Variants in USP49 observed in about 807,000 individuals in gnomAD.
USP49 encodes ubiquitin carboxyl-terminal hydrolase 49.
In USP49, 24 loss-of-function variants were observed where a neutral mutation model predicts 58.6. That is an observed-to-expected ratio of 0.41 (90% CI 0.30 to 0.58). The LOEUF (loss-of-function observed/expected upper bound fraction) is 0.58. Among genes scored for constraint, USP49 ranks in the 20% least tolerant of loss-of-function variants. The probability of loss-of-function intolerance (pLI) is 0.30; values close to 1 mark genes in which losing one functional copy is unlikely to be tolerated. For synonymous variants in USP49, 408 were observed against 365.1 expected (o/e 1.12, Z -1.34); for missense variants, 703 against 866.1 (o/e 0.81, Z 2.36).
chr6:41,842,797 GT>G (rs967921002), intron 3 of USP49, among the ~76,000 whole-genome samples: 12 of 151,232 alleles, frequency 7.9e-5, no homozygotes, highest in Admixed American at 6.6e-5. Flanking sequence ...TAGTTTTTGT[GT>G]TTTTTCTTAA....
chr6:41,844,018 TG>T (rs1773875847), intron 3 of USP49, among the ~76,000 whole-genome samples: 1 of 152,212 alleles, frequency 6.6e-6, no homozygotes, highest in East Asian at 1.9e-4. Flanking sequence ...CCCTCCAGCC[TG>T]GGCAACAAGA....
intron 2 of USP49, among the ~76,000 whole-genome samples, chr6:41,878,106 G>A (rs1323409704): frequency 6.6e-6 from 1 of 152,114 alleles, no homozygotes; most frequent in African/African-American, 2.4e-5. Context: ...GATCAAATAA[G>A]AAAATGTGTG....
At position 41,806,018 on chromosome 6, in the gene USP49, G is replaced by A. The variant is rs377458394; in HGVS notation, c.966C>T (p.Ala322=). ...ATELSLRNDR[A]EACEREGFCW... ...AGAAGCCCTCCCGCTCGCATGCCTC[G>A]GCCCTGTCATTTCTCAAGGACAGCT... Residue 322 remains alanine, a synonymous_variant, in exon 4 of 8, where the codon GCC becomes GCT. Coordinates refer to ENST00000682992, the MANE Select transcript of USP49 (RefSeq NM_001286554.2). This position sits in a 1 kb window ranked among gnomAD's most constrained non-coding sequence, Gnocchi z 5.9. 12 of 1,613,972 alleles carry A rather than the reference G, an allele frequency of 7.4e-6. No individual in the cohort carries two copies. The highest frequency in any genetic ancestry group is 8.5e-6 in the Non-Finnish European group (10 of 1,180,036).
At position 41,874,676 on chromosome 6, in the gene USP49, T is replaced by C. The variant is rs1055986637; in HGVS notation, c.-102-3039A>G. Among the ~76,000 whole-genome samples the C allele has an allele frequency of 1.2e-4, 18 of 152,296 alleles. No individual in the cohort carries two copies. The South Asian group carries it at 2.9e-3, about 25-fold the overall frequency. ...CCCAGGTTTCTGCTCTTCGGAAATA[T>C]ACCAGGCTGGGAGCAGTAGCTTACG... On this transcript the variant is annotated intron_variant, in intron 2 of 7. Transcript: ENST00000682992.
intron 3 of USP49, among the ~76,000 whole-genome samples, chr6:41,808,741 T>C (rs1032083994): frequency 1.3e-5 from 2 of 151,886 alleles, no homozygotes; most frequent in East Asian, 1.9e-4. Flanking sequence ...AAAACTTTTA[T>C]ATCTTTGGAA....
At chr6:41,825,761 T>C (rs2127337971) in intron 3 of USP49, among the ~76,000 whole-genome samples, 1 of 152,304 alleles carries the variant, frequency 6.6e-6, no homozygotes, top group Admixed American at 6.5e-5. Context: ...ATTTTTGTCT[T>C]TTTTCCCTCA....
chr6:41,830,505 A>T (rs1773615066), intron 3 of USP49, among the ~76,000 whole-genome samples: 1 of 152,190 alleles, frequency 6.6e-6, no homozygotes, highest in Non-Finnish European at 1.5e-5. Context: ...TGATGGAGCA[A>T]ACAAAACAGA....
At chr6:41,883,467 G>T (rs1774650727) in intron 2 of USP49, among the ~76,000 whole-genome samples, 1 of 149,192 alleles carries the variant, frequency 6.7e-6, no homozygotes, top group African/African-American at 2.5e-5. Flanking sequence ...AACCAGCCTG[G>T]CCAACATGGT....
chr6:41,805,821 A>C lies in USP49; in HGVS notation c.1163T>G (p.Leu388Arg). Reference protein sequence around the residue: ...PFAMLHSVWSLIPAFRGYDQQ... With the variant: ...PFAMLHSVWSRIPAFRGYDQQ... ...GTCGTAGCCGCGGAAGGCAGGGATC[A>C]GGCTCCACACTGAGTGGAGCATGGC... The change falls in exon 4 of 8, where the codon CTG becomes CGG. Residue 388 changes from leucine to arginine, a missense_variant. Transcript: ENST00000682992. 1.2e-6 allele frequency: 2 copies of C among 1,614,064 alleles called. No homozygotes were observed. The highest frequency in any genetic ancestry group is 1.7e-6 in the Non-Finnish European group (2 of 1,180,020).
chr6:41,864,558 G>A (rs954767092), intron 3 of USP49, among the ~76,000 whole-genome samples: 5 of 151,954 alleles, frequency 3.3e-5, no homozygotes, highest in Admixed American at 6.6e-5. Flanking sequence ...GTGAGACTCC[G>A]TCTCAAAACA....
intron 3 of USP49, among the ~76,000 whole-genome samples, chr6:41,807,967 G>A (rs1230097731): frequency 6.6e-6 from 1 of 151,526 alleles, no homozygotes; most frequent in Admixed American, 6.6e-5. Flanking sequence ...TAGTAGAGAC[G>A]AGATTTAACC....
At chr6:41,845,412 C>T (rs1044776295) in intron 3 of USP49, among the ~76,000 whole-genome samples, 31 of 151,720 alleles carry the variant, frequency 2.0e-4, no homozygotes, top group African/African-American at 6.5e-4. Context: ...TGTGGCTACT[C>T]GGGAGGCTGA....
At chr6:41,880,903 C>A (rs1335943821) in intron 2 of USP49, among the ~76,000 whole-genome samples, 1 of 151,874 alleles carries the variant, frequency 6.6e-6, no homozygotes, top group Non-Finnish European at 1.5e-5. Context: ...TAGAAAAGAA[C>A]CTACACAGAT....
Position 41,806,089 on chromosome 6 carries a change from C to G in USP49, c.895G>C (p.Gly299Arg). Residue 299 changes from glycine to arginine, a missense_variant, in exon 4 of 8, where the codon GGG (glycine) becomes CGG (arginine). This residue lies in a region of USP49 where 97 missense variants were observed against 88.0 expected (regional missense o/e 1.10). Transcript: ENST00000682992. This position sits in a 1 kb window ranked among gnomAD's most constrained non-coding sequence, Gnocchi z 5.9. Reference protein sequence around the residue: ...TEHLFPKATNGKTQLSGKPTN... With the variant: ...TEHLFPKATNRKTQLSGKPTN... ...GGCTTGCCAGAAAGCTGAGTCTTCC[C>G]GTTGGTGGCTTTGGGAAACAGATGT... The G allele has an allele frequency of 6.2e-7, 1 of 1,614,024 alleles. No homozygotes were observed. Among genetic ancestry groups the G allele is most frequent in the East Asian group, 2.2e-5 (1 of 44,882 alleles).
rs1222447905 is a variant in USP49, at chr6:41,803,586, G to T, written c.1561+220C>A. On this transcript the variant is annotated intron_variant, in intron 5 of 7. Coordinates refer to ENST00000682992, the MANE Select transcript of USP49 (RefSeq NM_001286554.2). The surrounding 1 kb of genome is among the most constrained non-coding windows in gnomAD (Gnocchi z 4.1). The stretch of plus-strand genomic sequence containing the variant: ...CCCAAAATGCTGGGATTACAGGCGT[G>T]AGCCACAACGCCCAGCCTTGTTTTG... Among the ~76,000 whole-genome samples the T allele has an allele frequency of 1.3e-5, 2 of 152,234 alleles. No individual in the cohort carries two copies. Among genetic ancestry groups the T allele is most frequent in the Non-Finnish European group, 2.9e-5 (2 of 68,036 alleles).
chr6:41,813,590 T>C (rs1773295525), intron 3 of USP49, among the ~76,000 whole-genome samples: 3 of 152,184 alleles, frequency 2.0e-5, no homozygotes, highest in Non-Finnish European at 2.9e-5. Context: ...CATTTTCTGA[T>C]CTATAAATCT....
At chr6:41,807,842 C>T (rs1055506333) in intron 3 of USP49, among the ~76,000 whole-genome samples, 1 of 151,552 alleles carries the variant, frequency 6.6e-6, no homozygotes, top group Non-Finnish European at 1.5e-5. Context: ...GGTGCAGTCT[C>T]AGCTCACTGC....
intron 3 of USP49, among the ~76,000 whole-genome samples, chr6:41,828,775 T>C (rs944814962): frequency 6.6e-6 from 1 of 152,182 alleles, no homozygotes; most frequent in Admixed American, 6.5e-5. Flanking sequence ...TCCTTTCTTA[T>C]GCCAAGGTAA....
intron 3 of USP49, among the ~76,000 whole-genome samples, chr6:41,868,242 T>C (rs1774354782): frequency 6.6e-6 from 1 of 152,206 alleles, no homozygotes; most frequent in South Asian, 2.1e-4. Flanking sequence ...AATGAGATAA[T>C]GAATAAATGA....
Sources: gnomAD v4.1 joint callset for allele counts (sites outside exome capture counted in the v4.1 genomes callset) on GRCh38, gnomAD v4.1.1 for gene constraint, gnomAD v4.1.1 regional missense constraint, Gnocchi (gnomAD v3.1) non-coding constraint, MANE v1.5 for transcripts, NCBI Gene and HGNC (gene_info 2026-07-23, HGNC 2026-07-21) for gene names.